GCN1: variants seen among roughly 807,000 people sequenced by gnomAD.
GCN1 encodes GCN1 activator of EIF2AK4, also known as stalled ribosome sensor GCN1.
In GCN1, 90 loss-of-function variants were observed where a neutral mutation model predicts 288.4. The observed-to-expected ratio is 0.31, with a 90% CI of 0.26 to 0.37. The LOEUF is 0.37. Ranked by LOEUF, GCN1 falls within the 10% of genes least tolerant of loss-of-function variation. The probability of loss-of-function intolerance (pLI) is 1.00; values close to 1 mark genes in which losing one functional copy is unlikely to be tolerated. For synonymous variants in GCN1, 1,386 were observed against 1,420.2 expected (o/e 0.98, Z 0.54); for missense variants, 2,586 against 3,419.9 (o/e 0.76, Z 6.08).
At position 120,157,889 on chromosome 12, in the gene GCN1, A is replaced by T. The variant is rs1877802359; in HGVS notation, c.3047T>A (p.Leu1016Gln). ...GGGTGGGGTGTTGGGGGAGGCCCTC[A>T]GCTGGGCTTGGACAGTGAGGATCTG... ...ILQILTVQAQLRASPNTPPGR... is the reference protein window; with the variant it reads ...ILQILTVQAQQRASPNTPPGR... The change falls in exon 26 of 58, where the codon CTG (leucine) becomes CAG (glutamine). Residue 1016 changes from leucine (L) to glutamine (Q), a missense_variant. Transcript: ENST00000300648. 1 of 1,613,846 alleles carries T rather than the reference A, an allele frequency of 6.2e-7. No individual in the cohort carries two copies. The highest frequency in any genetic ancestry group is 1.3e-5 in the African/African-American group (1 of 74,934).
Position 120,184,810 on chromosome 12 carries a change from T to A in GCN1, c.185+14A>T, listed in dbSNP as rs1369302585. 1 of 1,593,202 alleles carries A rather than the reference T, an allele frequency of 6.3e-7. No homozygotes were observed. The highest frequency in any genetic ancestry group is 1.7e-5 in the Admixed American group (1 of 59,986). Reference sequence around the variant, plus strand: ...CAAAGTGCTCCACATATGGGGCCTTTGGCTGGGACTCACCTATATCGATGC... The same window carrying A: ...CAAAGTGCTCCACATATGGGGCCTTAGGCTGGGACTCACCTATATCGATGC... On this transcript the variant is annotated intron_variant, in intron 3 of 57. Coordinates refer to ENST00000300648, the MANE Select transcript of GCN1 (RefSeq NM_006836.2).
chr12:120,186,673 G>A (rs559294020), intron 2 of GCN1, among the ~76,000 whole-genome samples: 2 of 152,148 alleles, frequency 1.3e-5, no homozygotes, highest in Admixed American at 6.5e-5. Flanking sequence ...TTCAGTAACT[G>A]GGGAAAAAGA....
rs200403426 is a variant in GCN1 at position 120,142,707 on chromosome 12, G to A, written c.5629C>T (p.Leu1877=). The A allele has an allele frequency of 7.4e-6, 12 of 1,614,120 alleles. No homozygotes were observed. The South Asian group carries it at 8.8e-5, about 12-fold the overall frequency. ...ACCCGGTTCCGCCGCTCTACCCCCA[G>A]GGCAGTGATGATCGCCTGCAGCCAG... ...AQSNKAIITA[L]GVERRNRVLA... is the part of the protein sequence containing the mutation. Residue 1877 remains leucine, a synonymous_variant, in exon 44 of 58, where the codon CTG becomes TTG. Transcript: ENST00000300648. The surrounding 1 kb of genome is among the most constrained non-coding windows in gnomAD (Gnocchi z 4.9).
Position 120,155,200 on chromosome 12 carries a change from G to A in GCN1, c.3630+41C>T, listed in dbSNP as rs765267812. The A allele has an allele frequency of 5.0e-6, 8 of 1,591,784 alleles. No homozygotes were observed. Among genetic ancestry groups the A allele is most frequent in the South Asian group, 2.2e-5 (2 of 90,588 alleles). On this transcript the variant is annotated intron_variant, in intron 30 of 57. Coordinates refer to ENST00000300648, the MANE Select transcript of GCN1 (RefSeq NM_006836.2). This position sits in a 1 kb window ranked among gnomAD's most constrained non-coding sequence, Gnocchi z 4.9. ...GGGGTGAGCAGAGACCCACCCAACC[G>A]CACACACCCAGACTGCATCAGGGCT...
At chr12:120,163,481 G>A (rs1352536253) in intron 18 of GCN1, among the ~76,000 whole-genome samples, 1 of 152,232 alleles carries the variant, frequency 6.6e-6, no homozygotes, top group Admixed American at 6.5e-5. Flanking sequence ...AAGCCTGCAG[G>A]GGTAAAGAAG....
chr12:120,142,060 C>T lies in GCN1; in HGVS notation c.5829+447G>A, dbSNP rs1199580256. Among the ~76,000 whole-genome samples the T allele has an allele frequency of 1.3e-5, 2 of 152,192 alleles. No homozygotes were observed. Among genetic ancestry groups the T allele is most frequent in the Non-Finnish European group, 1.5e-5 (1 of 68,036 alleles). On this transcript the variant is annotated intron_variant, in intron 44 of 57. Transcript: ENST00000300648. This position sits in a 1 kb window ranked among gnomAD's most constrained non-coding sequence, Gnocchi z 4.9. ...TATTTGCAGAGGCCAGGCGTGGTGG[C>T]TCAAGCCTGTAATCCCAGCACTTTG... is the stretch of plus-strand genomic sequence containing the variant.
At position 120,164,663 on chromosome 12, in the gene GCN1, G is replaced by A; in HGVS notation, c.1671C>T (p.Leu557=). The A allele has an allele frequency of 6.2e-7, 1 of 1,613,618 alleles. No individual in the cohort carries two copies. The highest frequency in any genetic ancestry group is 2.2e-5 in the East Asian group (1 of 44,882). The change falls in exon 17 of 58, where the codon CTC becomes CTT. Residue 557 remains leucine, a synonymous_variant. Coordinates refer to ENST00000300648, the MANE Select transcript of GCN1 (RefSeq NM_006836.2). ...ERLFLDHPHR[L]TGNKVQQYHR... ...TCACGTACTGAACTTTGTTGCCAGT[G>A]AGTCTATGCGGGTGGTCAAGGAAAA...
At chr12:120,146,578 C>T (rs1442214945) in intron 38 of GCN1, among the ~76,000 whole-genome samples, 1 of 139,978 alleles carries the variant, frequency 7.1e-6, no homozygotes, top group Non-Finnish European at 1.5e-5. Flanking sequence ...ATTAATATAA[C>T]TTTTATATAT....
chr12:120,162,955 T>C lies in GCN1; in HGVS notation c.2055A>G (p.Gly685=). 1 of 1,614,202 alleles carries C rather than the reference T, an allele frequency of 6.2e-7. No individual in the cohort carries two copies. The highest frequency in any genetic ancestry group is 8.5e-7 in the Non-Finnish European group (1 of 1,180,044). The change falls in exon 20 of 58, where the codon GGA becomes GGG. Residue 685 remains glycine, a synonymous_variant. Coordinates refer to ENST00000300648, the MANE Select transcript of GCN1 (RefSeq NM_006836.2). ...TCCTGGCAAGAAGTGCTGGCCAAAG[T>C]CCAGACTGCACGGCAACTGAAGGGG... ...HHPSLVAVQS[G]LWPALLARMK...
Position 120,130,034 on chromosome 12 carries a change from G to A in GCN1, c.7672-540C>T, listed in dbSNP as rs1160870927. ...CCGTGGGTTCCCGGTGCTGCGGGGG[G>A]AGGCAGTCACTCTTGGGAACCTCAT... On this transcript the variant is annotated intron_variant, in intron 56 of 57. Coordinates refer to ENST00000300648, the MANE Select transcript of GCN1 (RefSeq NM_006836.2). Among the ~76,000 whole-genome samples, 8 of 152,306 alleles carry A rather than the reference G, an allele frequency of 5.3e-5. No individual in the cohort carries two copies. In the East Asian group the frequency reaches 1.5e-3, roughly 29 times the overall value.
Position 120,191,114 on chromosome 12 carries a change from A to C in GCN1, c.19-714T>G, listed in dbSNP as rs78184708. On this transcript the variant is annotated intron_variant, in intron 1 of 57. Transcript: ENST00000300648. The stretch of plus-strand genomic sequence containing the variant: ...GCATCTACTCTCATCCCAAGCAAAA[A>C]GTTGGCTACTACTACCAAAAAGCCT... Among the ~76,000 whole-genome samples the C allele has an allele frequency of 1.5e-3, 229 of 152,320 alleles. 1 individual carries two copies. The East Asian group carries it at 0.027, about 18-fold the overall frequency.
At chr12:120,174,278 C>T (rs950490558) in intron 12 of GCN1, 109 bp from the exon 13 acceptor site, 15 of 685,726 alleles carry the variant, frequency 2.2e-5, no homozygotes, top group African/African-American at 3.5e-5. Context: ...TTCTGTGTCT[C>T]CAGCAGGCAT....
intron 15 of GCN1, among the ~76,000 whole-genome samples, chr12:120,169,336 C>T (rs917280580): frequency 1.4e-5 from 2 of 146,034 alleles, no homozygotes; most frequent in East Asian, 3.9e-4. Context: ...TACGATGTAG[C>T]CACAAAAAAT....
At chr12:120,160,765 G>A (rs990189888) in intron 22 of GCN1, among the ~76,000 whole-genome samples, 4 of 152,178 alleles carry the variant, frequency 2.6e-5, no homozygotes, top group African/African-American at 7.2e-5. Flanking sequence ...CAGGAATATC[G>A]TAGGAACAAG....
rs1310944850 is a variant in GCN1, at chr12:120,164,442, C to T, written c.1742G>A (p.Arg581His). Residue 581 changes from arginine (R) to histidine (H), a missense_variant, in exon 18 of 58, where the codon CGC becomes CAC. By Grantham distance (29) the Arg-to-His change is conservative. Coordinates refer to ENST00000300648, the MANE Select transcript of GCN1 (RefSeq NM_006836.2). ...CCGAACTGTCTGCTGAGCCTGCCTG[C>T]GGACGTGCCAGGTGCGGCTCAGGAG... ...AVLLSRTWHV[R>H]RQAQQTVRKL... 6.2e-7 allele frequency: 1 copy of T among 1,614,154 alleles called. No individual in the cohort carries two copies. The highest frequency in any genetic ancestry group is 8.5e-7 in the Non-Finnish European group (1 of 1,180,004).
At chr12:120,145,392 C>A in intron 38 of GCN1, 62 bp from the exon 39 acceptor site, 1 of 1,267,110 alleles carries the variant, frequency 7.9e-7, no homozygotes, top group South Asian at 1.6e-5. Context: ...AGGCCTGTTC[C>A]ACTGTGGACC....
In GCN1 at chr12:120,134,849, C is replaced by T. The variant is rs1876946505; in HGVS notation, c.7009-123G>A. On this transcript the variant is annotated intron_variant, in intron 51 of 57. Transcript: ENST00000300648. The surrounding 1 kb of genome is among the most constrained non-coding windows in gnomAD (Gnocchi z 5.0). ...CAGCGAGTCCAGCTCTCATACAGGG[C>T]TGGGGACAGATAGCCCGTCAGAGAG... 2.5e-6 allele frequency: 2 copies of T among 805,214 alleles called. No homozygotes were observed. The highest frequency in any genetic ancestry group is 4.0e-6 in the Non-Finnish European group (2 of 493,954). The allele number at this position is 805,214 out of a possible 1,614,324, so 49.9% of individuals were successfully genotyped here.
chr12:120,175,363 T>C (rs1878448261), intron 11 of GCN1, 151 bp from the exon 12 acceptor site: 1 of 729,150 alleles, frequency 1.4e-6, no homozygotes, highest in Admixed American at 2.6e-5. Context: ...CAACTTTTAC[T>C]AGCCTTTTGC....
Position 120,184,262 on chromosome 12 carries a change from G to C in GCN1, c.186-19C>G, listed in dbSNP as rs767437143. Reference sequence around the variant, plus strand: ...TGCATCTCTAGGGGGAGAGGCAAAGGAAAGGGTGAACATGCAGACCTCAGG... The same window carrying C: ...TGCATCTCTAGGGGGAGAGGCAAAGCAAAGGGTGAACATGCAGACCTCAGG... On this transcript the variant is annotated intron_variant, in intron 3 of 57. Coordinates refer to ENST00000300648, the MANE Select transcript of GCN1 (RefSeq NM_006836.2). 14 of 1,606,720 alleles carry C rather than the reference G, an allele frequency of 8.7e-6. No homozygotes were observed. In the South Asian group the frequency reaches 1.5e-4, roughly 18 times the overall value.
Sources: allele counts gnomAD v4.1 joint callset (sites outside exome capture counted in the v4.1 genomes callset), GRCh38; gene constraint gnomAD v4.1.1; non-coding constraint Gnocchi (gnomAD v3.1); transcripts MANE v1.5; gene names NCBI Gene and HGNC (gene_info 2026-07-23, HGNC 2026-07-21).